The following KSR2 variants were observed in gnomAD, a reference collection of about 807,000 sequenced individuals.
KSR2 encodes the protein kinase suppressor of ras 2.
In KSR2, 25 loss-of-function variants were observed where a neutral mutation model predicts 107.8. The observed-to-expected ratio is 0.23, with a 90% CI of 0.17 to 0.32. KSR2 has a LOEUF of 0.32. KSR2 is among the 10% of genes least tolerant of loss of function. The probability of loss-of-function intolerance (pLI) is 1.00; values close to 1 mark genes in which losing one functional copy is unlikely to be tolerated. For missense variants in KSR2, 887 were observed against 1,268.9 expected (o/e 0.70, Z 4.57); for synonymous variants, 480 against 507.0 (o/e 0.95, Z 0.71).
chr12:117,761,307 G>A lies in KSR2; in HGVS notation c.690C>T (p.Asp230=), dbSNP rs1389531650. 5 of 1,527,598 alleles carry A rather than the reference G, an allele frequency of 3.3e-6. No homozygotes were observed. Among genetic ancestry groups the A allele is most frequent in the Admixed American group, 2.3e-5 (1 of 44,090 alleles). The allele number at this position is 1,527,598 out of a possible 1,614,324, so 94.6% of individuals were successfully genotyped here. A position where few individuals can be genotyped will look rare whatever the true frequency, so the allele number is the denominator to read the frequency against. Residue 230 remains aspartate (D), a synonymous_variant, in exon 4 of 20, where the codon GAC becomes GAT. Transcript: ENST00000339824. ...VYTHVDRLTV[D]AYPGLCPPPP... ...GGGGCGGGCACAAGCCCGGGTAGGC[G>A]TCCACGGTAAGCCTGTCCACGTGGG...
chr12:117,932,846 C>G (rs1895732820), intron 1 of KSR2, among the ~76,000 whole-genome samples: 1 of 152,018 alleles, frequency 6.6e-6, no homozygotes, highest in South Asian at 2.1e-4. Context: ...AACCCCATCT[C>G]TACTAAAAAT....
At chr12:117,902,531 G>C (rs1365202683) in intron 1 of KSR2, among the ~76,000 whole-genome samples, 1 of 150,412 alleles carries the variant, frequency 6.6e-6, no homozygotes, top group Non-Finnish European at 1.5e-5. Context: ...AGAATTACCA[G>C]GTAAGTAAAA....
intron 3 of KSR2, among the ~76,000 whole-genome samples, chr12:117,793,879 A>C (rs1890426447): frequency 7.0e-6 from 1 of 141,994 alleles, no homozygotes; most frequent in South Asian, 2.3e-4. Flanking sequence ...ATATGCACAC[A>C]TACAACATGC....
intron 5 of KSR2, among the ~76,000 whole-genome samples, chr12:117,655,681 G>A (rs1477752205): frequency 7.2e-5 from 11 of 152,134 alleles, no homozygotes; most frequent in Admixed American, 7.2e-4. Context: ...GAGACACAAC[G>A]ATTCCACTAA....
intron 1 of KSR2, among the ~76,000 whole-genome samples, chr12:117,939,575 G>A (rs964860743): frequency 6.6e-6 from 1 of 152,096 alleles, no homozygotes; most frequent in Non-Finnish European, 1.5e-5. Flanking sequence ...AGCTGGGCGT[G>A]GTGGCGGACG....
intron 5 of KSR2, among the ~76,000 whole-genome samples, chr12:117,623,299 G>A (rs923471148): frequency 3.4e-4 from 51 of 152,180 alleles, no homozygotes; most frequent in African/African-American, 1.1e-3. Context: ...TGATACATAG[G>A]TATACATGTG....
At chr12:117,567,563 T>C (rs1878585481) in intron 7 of KSR2, among the ~76,000 whole-genome samples, 1 of 151,326 alleles carries the variant, frequency 6.6e-6, no homozygotes, top group African/African-American at 2.4e-5. Context: ...AACTTGCAAT[T>C]AAAGGGCAGC....
intron 9 of KSR2, 104 bp from the exon 10 acceptor site, chr12:117,539,991 C>G: frequency 3.2e-6 from 3 of 941,116 alleles, no homozygotes; most frequent in Non-Finnish European, 4.7e-6. Context: ...GCCCCTGCAA[C>G]AATTCTTGCC....
chr12:117,530,142 TGG>T (rs1160906158), intron 12 of KSR2, among the ~76,000 whole-genome samples: 2 of 152,234 alleles, frequency 1.3e-5, no homozygotes, highest in Non-Finnish European at 2.9e-5. Flanking sequence ...GCATATATTG[TGG>T]GTCATAACTA....
At chr12:117,740,610 A>AATATACATATATTATATATGTAAT (rs928070514) in intron 4 of KSR2, among the ~76,000 whole-genome samples, 232 of 87,130 alleles carry the variant, frequency 2.7e-3, no homozygotes, top group Non-Finnish European at 4.6e-3. Context: ...ATAGATGTAA[A>AATATACATATATTATATATGTAAT]ATATACATAT....
At chr12:117,779,806 A>G (rs1889822736) in intron 3 of KSR2, among the ~76,000 whole-genome samples, 1 of 152,230 alleles carries the variant, frequency 6.6e-6, no homozygotes, top group African/African-American at 2.4e-5. Context: ...CTATAAGTCA[A>G]TTAAACTCTT....
At chr12:117,619,663 T>TAACATTGAAAATTAATGTTAAA (rs539884549) in intron 5 of KSR2, among the ~76,000 whole-genome samples, 347 of 151,268 alleles carry the variant, frequency 2.3e-3, no homozygotes, top group African/African-American at 8.0e-3. Context: ...TTAGTATTTT[T>TAACATTGAAAATTAATGTTAAA]AACATTAATT....
chr12:117,770,869 C>T (rs570114879), intron 3 of KSR2, among the ~76,000 whole-genome samples: 6 of 149,170 alleles, frequency 4.0e-5, no homozygotes, highest in Non-Finnish European at 5.9e-5. Flanking sequence ...CCCAGCTACT[C>T]GGGAGGCTGA....
intron 1 of KSR2, among the ~76,000 whole-genome samples, chr12:117,884,446 A>G (rs1894114868): frequency 1.3e-5 from 2 of 152,324 alleles, no homozygotes; most frequent in Non-Finnish European, 2.9e-5. Context: ...AGCTCTCGCT[A>G]GAACTGAACA....
chr12:117,944,008 C>A (rs896824135), intron 1 of KSR2, among the ~76,000 whole-genome samples: 2 of 152,206 alleles, frequency 1.3e-5, no homozygotes, highest in African/African-American at 2.4e-5. Context: ...GTGCCTTTCA[C>A]CTTCCACCAT....
At chr12:117,698,866 G>A (rs1031755017) in intron 4 of KSR2, among the ~76,000 whole-genome samples, 1 of 152,166 alleles carries the variant, frequency 6.6e-6, no homozygotes, top group African/African-American at 2.4e-5. Flanking sequence ...GCCCATCAGA[G>A]TCTTACTGGC....
At chr12:117,477,352 C>T (rs929893821) in intron 16 of KSR2, among the ~76,000 whole-genome samples, 4 of 152,216 alleles carry the variant, frequency 2.6e-5, no homozygotes, top group Admixed American at 6.5e-5. Flanking sequence ...ATTACAAATA[C>T]ATTTCAGTGA....
chr12:117,471,662 T>C lies in KSR2; in HGVS notation c.2583-342A>G, dbSNP rs771693042. On this transcript the variant is annotated intron_variant, in intron 17 of 19. Transcript: ENST00000339824. ...AGGATATTCTCTAAAGCACTATATA[T>C]AATATTGAAAAAAAGTAAAAATAAC... 5.5e-4 allele frequency among the ~76,000 whole-genome samples: 83 copies of C among 152,124 alleles called. 1 individual carries two copies. Among genetic ancestry groups the C allele is most frequent in the Non-Finnish European group, 1.0e-3 (68 of 68,026 alleles).
intron 1 of KSR2, among the ~76,000 whole-genome samples, chr12:117,869,470 G>C (rs996485246): frequency 6.6e-6 from 1 of 152,174 alleles, no homozygotes; most frequent in South Asian, 2.1e-4. Context: ...GAGGTAGAGC[G>C]GGTAATCACT....
Sources: gnomAD v4.1 joint callset for allele counts (sites outside exome capture counted in the v4.1 genomes callset) on GRCh38, gnomAD v4.1.1 for gene constraint, MANE v1.5 for transcripts, NCBI Gene and HGNC (gene_info 2026-07-23, HGNC 2026-07-21) for gene names.